Variants in ELFN2 observed in about 807,000 individuals in gnomAD.
ELFN2 encodes protein phosphatase 1 regulatory subunit 29.
ELFN2 carries 17 observed loss-of-function variants against 45.5 expected under a neutral mutation model. The observed-to-expected ratio is 0.37, with a 90% confidence interval of 0.26 to 0.56. ELFN2 has a LOEUF of 0.56. ELFN2 is among the 20% of genes least tolerant of loss of function. ELFN2 has a pLI of 0.77. For synonymous variants in ELFN2, 550 were observed against 551.5 expected (o/e 1.00, Z 0.04); for missense variants, 922 against 1,183.2 (o/e 0.78, Z 3.24).
intron 2 of ELFN2, among the ~76,000 whole-genome samples, chr22:37,390,132 G>A (rs891248992): frequency 2.0e-5 from 3 of 152,232 alleles, no homozygotes; most frequent in African/African-American, 7.2e-5. Context: ...TCTGTCAAAT[G>A]GAGATGACAC....
At chr22:37,389,327 C>T (rs1399755121) in intron 2 of ELFN2, among the ~76,000 whole-genome samples, 1 of 152,108 alleles carries the variant, frequency 6.6e-6, no homozygotes, top group Admixed American at 6.5e-5. Flanking sequence ...CTCTCCCTCT[C>T]TAAGCTCACA....
chr22:37,379,214 G>A (rs975767089), intron 2 of ELFN2, among the ~76,000 whole-genome samples: 3 of 152,206 alleles, frequency 2.0e-5, no homozygotes, highest in Admixed American at 2.0e-4. Flanking sequence ...TAGATGGGGG[G>A]CGCAGGGGAC....
At position 37,421,936 on chromosome 22, in the gene ELFN2, G is replaced by A. The variant is rs577480586; in HGVS notation, c.-613-4017C>T. ...CTCCAAGATTCAGGGGCAATTGTAG[G>A]GGGAGAAGGATAATAGATGGGCCAA... On this transcript the variant is annotated intron_variant, in intron 1 of 2. Coordinates refer to ENST00000402918, the MANE Select transcript of ELFN2 (RefSeq NM_052906.5). Among the ~76,000 whole-genome samples the A allele has an allele frequency of 3.2e-4, 49 of 152,300 alleles. 1 individual carries two copies. The highest frequency in any genetic ancestry group is 1.2e-3 in the African/African-American group (48 of 41,544).
intron 1 of ELFN2, among the ~76,000 whole-genome samples, chr22:37,356,399 A>G (rs1056871187): frequency 7.9e-5 from 12 of 152,126 alleles, no homozygotes; most frequent in African/African-American, 2.9e-4. Flanking sequence ...GCGCCAAGTT[A>G]CCTTCCGAAA....
intron 2 of ELFN2, among the ~76,000 whole-genome samples, chr22:37,381,996 C>CAAAA (rs1931794177): frequency 7.9e-6 from 1 of 126,408 alleles, no homozygotes; most frequent in Non-Finnish European, 1.7e-5. Flanking sequence ...AAAAAAGAAT[C>CAAAA]TTCAATATCA....
intron 1 of ELFN2, among the ~76,000 whole-genome samples, chr22:37,357,496 TGATCA>T (rs1389246096): frequency 6.6e-6 from 1 of 152,256 alleles, no homozygotes; most frequent in Non-Finnish European, 1.5e-5. Flanking sequence ...CCTCTCACAC[TGATCA>T]TCCTTTTCTT....
Position 37,373,530 on chromosome 22 carries a change from G to C in ELFN2, c.2005C>G (p.Pro669Ala). 1.9e-6 allele frequency: 3 copies of C among 1,577,042 alleles called. No homozygotes were observed. Among genetic ancestry groups the C allele is most frequent in the Non-Finnish European group, 2.6e-6 (3 of 1,163,550 alleles). Residue 669 changes from proline to alanine, a missense_variant, in exon 3 of 3, where the codon CCC (proline) becomes GCC (alanine). Coordinates refer to ENST00000402918, the MANE Select transcript of ELFN2 (RefSeq NM_052906.5). ...AGCCGGTCCAGCGGGCTGTTGAGGG[G>C]GCTGCCCTTCTCGATGTACTTGGAG... is the stretch of plus-strand genomic sequence containing the variant. Reference protein sequence around the residue: ...GDSKYIEKGSPLNSPLDRLPL... With the variant: ...GDSKYIEKGSALNSPLDRLPL...
chr22:37,403,379 G>A (rs1450888452), intron 2 of ELFN2, among the ~76,000 whole-genome samples: 1 of 151,592 alleles, frequency 6.6e-6, no homozygotes, highest in Non-Finnish European at 1.5e-5. Context: ...GCAGGGCCAG[G>A]CTCCTAAGGG....
chr22:37,371,871 G>T lies in ELFN2; in HGVS notation c.*1201C>A, dbSNP rs1036176901. 6.6e-6 allele frequency: 1 copy of T among 152,434 alleles called. No individual in the cohort carries two copies. The highest frequency in any genetic ancestry group is 1.5e-5 in the Non-Finnish European group (1 of 68,078). 9.4% of individuals were successfully genotyped at this position (152,434 alleles called of 1,614,324 possible). On this transcript the variant is annotated 3_prime_UTR_variant, in exon 3 of 3. Transcript: ENST00000402918. The surrounding 1 kb of genome is among the most constrained non-coding windows in gnomAD (Gnocchi z 6.4). Reference sequence around the variant, plus strand: ...AACATGGGAGCCCCTCTGGCCAGGGGGCCAGGCCTGGATGAGCAGCCCAGA... The same window carrying T: ...AACATGGGAGCCCCTCTGGCCAGGGTGCCAGGCCTGGATGAGCAGCCCAGA...
At chr22:37,359,509 G>A (rs937725949) in intron 1 of ELFN2, among the ~76,000 whole-genome samples, 23 of 152,302 alleles carry the variant, frequency 1.5e-4, no homozygotes, top group African/African-American at 5.1e-4. Context: ...CAACACTGTC[G>A]CAGCCTCCTT....
chr22:37,390,963 G>C (rs1877779155), intron 2 of ELFN2, among the ~76,000 whole-genome samples: 1 of 152,196 alleles, frequency 6.6e-6, no homozygotes, highest in South Asian at 2.1e-4. Flanking sequence ...TCAAGCGAGG[G>C]GCTAGACTAT....
At chr22:37,426,349 C>T (rs1055583551) in intron 1 of ELFN2, among the ~76,000 whole-genome samples, 5 of 136,136 alleles carry the variant, frequency 3.7e-5, no homozygotes, top group Admixed American at 2.2e-4. Context: ...TGCACACGCG[C>T]GCGCGCGCAC....
At chr22:37,408,159 T>TA (rs1932555644) in intron 2 of ELFN2, among the ~76,000 whole-genome samples, 1 of 152,148 alleles carries the variant, frequency 6.6e-6, no homozygotes, top group South Asian at 2.1e-4. Context: ...CATTTATACA[T>TA]ACACAGACAG....
chr22:37,376,822 G>T (rs1931597149), intron 2 of ELFN2, among the ~76,000 whole-genome samples: 1 of 152,312 alleles, frequency 6.6e-6, no homozygotes, highest in Admixed American at 6.5e-5. Context: ...CTTGATCCTT[G>T]GGAGGGGGCC....
intron 1 of ELFN2, among the ~76,000 whole-genome samples, chr22:37,346,958 C>G (rs549276981): frequency 5.3e-4 from 79 of 150,280 alleles, no homozygotes; most frequent in African/African-American, 1.7e-3. Flanking sequence ...GTATCTTGCT[C>G]TTGGAATAAC....
rs1330779188 is a variant in ELFN2 at position 37,373,191 on chromosome 22, C to T, written c.2344G>A (p.Glu782Lys). Residue 782 changes from glutamate to lysine, a missense_variant, in exon 3 of 3, where the codon GAG becomes AAG. Physicochemically the swap from Glu to Lys is moderately conservative, Grantham distance 56. Coordinates refer to ENST00000402918, the MANE Select transcript of ELFN2 (RefSeq NM_052906.5). ...TGACCGGCGGCCATGTACACCTCCT[C>T]CCGGTGGTGCTTCTTGTAGGGCCGG... ...RFRPYKKHHR[E>K]EVYMAAGHAL... The T allele has an allele frequency of 6.2e-7, 1 of 1,613,808 alleles. No homozygotes were observed. The highest frequency in any genetic ancestry group is 8.5e-7 in the Non-Finnish European group (1 of 1,180,016).
intron 2 of ELFN2, among the ~76,000 whole-genome samples, chr22:37,404,440 G>T (rs1299949116): frequency 1.3e-5 from 2 of 152,084 alleles, no homozygotes; most frequent in African/African-American, 4.8e-5. Flanking sequence ...CAGGGTCTGG[G>T]TGGGTGGCTG....
chr22:37,358,506 C>G (rs1442043336), intron 1 of ELFN2, among the ~76,000 whole-genome samples: 1 of 152,214 alleles, frequency 6.6e-6, no homozygotes, highest in African/African-American at 2.4e-5. Context: ...TCCTAAACTG[C>G]AGAGTTTCAG....
chr22:37,382,789 C>T (rs968736277), intron 2 of ELFN2, among the ~76,000 whole-genome samples: 1 of 152,122 alleles, frequency 6.6e-6, no homozygotes, highest in Non-Finnish European at 1.5e-5. Context: ...TCAGCTCAAG[C>T]GATCCACCCG....
Sources: allele counts gnomAD v4.1 joint callset (sites outside exome capture counted in the v4.1 genomes callset), GRCh38; gene constraint gnomAD v4.1.1; non-coding constraint Gnocchi (gnomAD v3.1); transcripts MANE v1.5; gene names NCBI Gene and HGNC (gene_info 2026-07-23, HGNC 2026-07-21).